Variants in ZBBX observed in about 807,000 individuals in gnomAD.
The protein encoded by ZBBX is zinc finger B-box domain-containing protein 1.
ZBBX carries 101 observed loss-of-function variants against 108.5 expected under a neutral mutation model. The observed-to-expected ratio is 0.93, with a 90% CI of 0.79 to 1.10. ZBBX has a LOEUF of 1.10. Among genes scored for constraint, ZBBX ranks in the 50% least tolerant of loss-of-function variants. The pLI, the probability that ZBBX is intolerant of heterozygous loss-of-function variation, is 0.00. For synonymous variants in ZBBX, 356 were observed against 323.4 expected (o/e 1.10, Z -1.08); for missense variants, 1,009 against 941.4 (o/e 1.07, Z -0.94).
At chr3:167,196,253 T>C in the ZBBX span, among the ~76,000 whole-genome samples, 3 of 152,196 alleles carry the variant, frequency 2.0e-5, no homozygotes, top group South Asian at 6.2e-4. Flanking sequence ...GAAGAATCTA[T>C]ATGCTATCAT....
rs1737736839 is a variant in ZBBX at position 167,328,073 on chromosome 3, CT to C, written c.730del (p.Arg244GlufsTer23). The C allele has an allele frequency of 1.2e-6, 2 of 1,613,796 alleles. No homozygotes were observed. The highest frequency in any genetic ancestry group is 2.2e-5 in the South Asian group (2 of 91,040). On this transcript the variant is annotated frameshift_variant, in exon 11 of 22. Coordinates refer to ENST00000675490, the MANE Select transcript of ZBBX (RefSeq NM_001199201.2). LOFTEE classifies it high-confidence loss of function. ...TMKRAQRTKP[R>X]KSLLCEGSFD... is the part of the protein sequence containing the mutation. Reference sequence around the variant, plus strand: ...TGACCCTTCACACAACAGACTCTTTCTTGGTTTTGTACGTTGTGCTCTTTTC... The same window carrying C: ...TGACCCTTCACACAACAGACTCTTTCTGGTTTTGTACGTTGTGCTCTTTTC...
chr3:167,289,714 C>T (rs1222254111), intron 18 of ZBBX, among the ~76,000 whole-genome samples: 1 of 152,162 alleles, frequency 6.6e-6, no homozygotes, highest in Non-Finnish European at 1.5e-5. Flanking sequence ...GTTTATTTCT[C>T]ATACCCGAGT....
chr3:167,330,109 T>C (rs541561761), intron 10 of ZBBX, among the ~76,000 whole-genome samples: 11 of 152,202 alleles, frequency 7.2e-5, no homozygotes, highest in Non-Finnish European at 1.3e-4. Flanking sequence ...TTTAAAAGTC[T>C]TTTCACATCC....
chr3:167,386,112 CTGTCATT>C (rs1050842059), intron 1 of ZBBX, among the ~76,000 whole-genome samples: 9 of 151,856 alleles, frequency 5.9e-5, no homozygotes, highest in Non-Finnish European at 1.0e-4. Flanking sequence ...CAAAAATATT[CTGTCATT>C]TGGACAGAAG....
chr3:167,403,519 A>G (rs931910849), intron 1 of ZBBX, among the ~76,000 whole-genome samples: 9 of 152,130 alleles, frequency 5.9e-5, no homozygotes, highest in South Asian at 4.1e-4. Context: ...GGTAAATAAC[A>G]AGGTGAATAT....
chr3:167,254,403 T>C (rs1723114169), intron 20 of ZBBX, among the ~76,000 whole-genome samples: 1 of 152,154 alleles, frequency 6.6e-6, no homozygotes, highest in African/African-American at 2.4e-5. Context: ...TTTTAACTTA[T>C]ATCAAAATAG....
the ZBBX span, among the ~76,000 whole-genome samples, chr3:167,210,147 T>G: frequency 6.6e-6 from 1 of 151,952 alleles, no homozygotes; most frequent in Admixed American, 6.6e-5. Flanking sequence ...GTAATGGAAT[T>G]CAAGATAACA....
intron 20 of ZBBX, among the ~76,000 whole-genome samples, chr3:167,250,312 T>A (rs916127374): frequency 2.0e-5 from 3 of 152,130 alleles, no homozygotes; most frequent in African/African-American, 7.2e-5. Context: ...ATTCCCAGGA[T>A]GTGCCTGCTA....
chr3:167,224,567 T>A, the ZBBX span, among the ~76,000 whole-genome samples: 6 of 151,938 alleles, frequency 3.9e-5, no homozygotes, highest in African/African-American at 1.4e-4. Flanking sequence ...TGGTAGATAA[T>A]AAATATGTAC....
chr3:167,355,448 T>G (rs1743396577), intron 8 of ZBBX, among the ~76,000 whole-genome samples: 1 of 151,838 alleles, frequency 6.6e-6, no homozygotes, highest in Non-Finnish European at 1.5e-5. Flanking sequence ...TAATAACAGG[T>G]AAAGTTGAGT....
intron 20 of ZBBX, among the ~76,000 whole-genome samples, chr3:167,267,008 A>T (rs923048959): frequency 2.0e-5 from 3 of 152,216 alleles, no homozygotes; most frequent in African/African-American, 7.2e-5. Context: ...TGGGGCTCAC[A>T]TACTGCAGCG....
chr3:167,330,876 GAAGA>G (rs1560136313), intron 10 of ZBBX, among the ~76,000 whole-genome samples: 16 of 113,348 alleles, frequency 1.4e-4, no homozygotes, highest in Admixed American at 9.2e-4. Context: ...AGGAGGAGAA[GAAGA>G]AGAAGAAGAA....
At chr3:167,330,871 G>GAAGAAGAATAAGAAGAAGAAGAAGA (rs1553820669) in intron 10 of ZBBX, among the ~76,000 whole-genome samples, 1 of 43,916 alleles carries the variant, frequency 2.3e-5, no homozygotes, top group African/African-American at 8.1e-5. Context: ...GGAGGAGGAG[G>GAAGAAGAATAAGAAGAAGAAGAAGA]AGAAGAAGAA....
At chr3:167,390,139 T>C (rs1748044311) in intron 1 of ZBBX, among the ~76,000 whole-genome samples, 1 of 152,192 alleles carries the variant, frequency 6.6e-6, no homozygotes, top group African/African-American at 2.4e-5. Flanking sequence ...TTAATTTTTA[T>C]ATAAGGTGTA....
At chr3:167,279,212 C>T (rs1040361129) in intron 20 of ZBBX, among the ~76,000 whole-genome samples, 2 of 152,314 alleles carry the variant, frequency 1.3e-5, no homozygotes, top group Admixed American at 1.3e-4. Context: ...TCTGTCACCA[C>T]TCCTGTTCAA....
intron 5 of ZBBX, chr3:167,367,071 A>T: frequency 2.8e-6 from 1 of 350,988 alleles, no homozygotes; most frequent in Non-Finnish European, 5.7e-6. Flanking sequence ...AATTGTCATT[A>T]AACGTTAAGA....
chr3:167,404,085 A>C (rs2108644938), intron 1 of ZBBX, among the ~76,000 whole-genome samples: 1 of 152,272 alleles, frequency 6.6e-6, no homozygotes, highest in Non-Finnish European at 1.5e-5. Context: ...TTTAAACGCA[A>C]CATGGATAGG....
chr3:167,244,519 A>G (rs1721230209), intron 20 of ZBBX, among the ~76,000 whole-genome samples: 1 of 152,234 alleles, frequency 6.6e-6, no homozygotes, highest in African/African-American at 2.4e-5. Context: ...TTCTAGAACT[A>G]TTTATTCTCA....
intron 6 of ZBBX, among the ~76,000 whole-genome samples, chr3:167,365,518 TA>T (rs1745187162): frequency 6.6e-6 from 1 of 151,720 alleles, no homozygotes; most frequent in Admixed American, 6.6e-5. Context: ...TAATGTGATA[TA>T]AAAGTAGGAA....
Sources: gnomAD v4.1 joint callset for allele counts (sites outside exome capture counted in the v4.1 genomes callset) on GRCh38, gnomAD v4.1.1 for gene constraint, MANE v1.5 for transcripts, NCBI Gene and HGNC (gene_info 2026-07-23, HGNC 2026-07-21) for gene names.